Variants in EIF4G3 observed in about 807,000 individuals in gnomAD.
EIF4G3 encodes eukaryotic translation initiation factor 4 gamma 3.
Under a neutral mutation model 186.4 loss-of-function variants are expected in EIF4G3, and 34 were observed. The observed-to-expected ratio is 0.18, with a 90% confidence interval of 0.14 to 0.24. The LOEUF is 0.24. Among genes scored for constraint, EIF4G3 ranks in the 10% least tolerant of loss-of-function variants. The probability of loss-of-function intolerance (pLI) is 1.00; values close to 1 mark genes in which losing one functional copy is unlikely to be tolerated. For missense variants in EIF4G3, 1,536 were observed against 1,948.5 expected, an observed-to-expected ratio of 0.79 and a Z score of 3.99; for synonymous variants, 673 against 679.5, an observed-to-expected ratio of 0.99 and a Z score of 0.15.
rs757394338 is a variant in EIF4G3 at position 20,941,978 on chromosome 1, G to A, written c.1176C>T (p.Cys392=). 6.2e-7 allele frequency: 1 copy of A among 1,614,130 alleles called. No homozygotes were observed. Among genetic ancestry groups the A allele is most frequent in the Admixed American group, 1.7e-5 (1 of 60,012 alleles). The part of the protein sequence containing the change: ...LPTNENDDDI[C]KKPCSVAPND... ...TAGGTGCTACACTACAGGGTTTCTT[G>A]CATATATCATCATCATTTTCATTTG... Residue 392 remains cysteine (C), a synonymous_variant, in exon 14 of 37, where the codon TGC becomes TGT. Coordinates refer to ENST00000602326, the MANE Select transcript of EIF4G3 (RefSeq NM_001391906.1).
chr1:20,860,286 C>T (rs2154551722), intron 24 of EIF4G3, 99 bp downstream of exon 24: 1 of 1,505,434 alleles, frequency 6.6e-7, no homozygotes, highest in Non-Finnish European at 9.0e-7. Context: ...ATTCTTTGGG[C>T]TGTTCTTTCT....
Position 20,967,971 on chromosome 1 carries a change from T to G in EIF4G3, c.714+1503A>C, listed in dbSNP as rs1038500989. ...TTAGGCTTTCACTTTAGACAATTTT[T>G]TTTAAGGGACAGGATCTTGCTATGT... is the stretch of plus-strand genomic sequence containing the variant. On this transcript the variant is annotated intron_variant, in intron 12 of 36. Transcript: ENST00000602326. 8.5e-5 allele frequency among the ~76,000 whole-genome samples: 13 copies of G among 152,188 alleles called. No individual in the cohort carries two copies. In the East Asian group the frequency reaches 2.1e-3, roughly 25 times the overall value.
At chr1:21,072,708 A>AT (rs2095480482) in intron 3 of EIF4G3, among the ~76,000 whole-genome samples, 1 of 152,176 alleles carries the variant, frequency 6.6e-6, no homozygotes, top group Admixed American at 6.5e-5. Context: ...AGCCTTTAAT[A>AT]TTTTTTAAAA....
intron 18 of EIF4G3, among the ~76,000 whole-genome samples, chr1:20,890,579 T>C (rs1030265496): frequency 1.3e-5 from 2 of 152,078 alleles, no homozygotes; most frequent in African/African-American, 4.8e-5. Context: ...CCTCAGTCTC[T>C]CAAGTAGATG....
intron 2 of EIF4G3, among the ~76,000 whole-genome samples, chr1:21,094,620 G>A (rs1314033856): frequency 3.5e-5 from 5 of 143,460 alleles, no homozygotes; most frequent in South Asian, 2.3e-4. Context: ...GGGGCCTGTC[G>A]TGAGGTGGGG....
intron 22 of EIF4G3, among the ~76,000 whole-genome samples, chr1:20,863,428 A>ACCTTTTTTTTTTTTTT (rs891612224): frequency 7.6e-6 from 1 of 131,232 alleles, no homozygotes; most frequent in African/African-American, 2.9e-5. Flanking sequence ...AGACCCTGTT[A>ACCTTTTTTTTTTTTTT]CCTTTTTTTT....
chr1:21,053,215 C>T (rs1306416804), intron 3 of EIF4G3, among the ~76,000 whole-genome samples: 46 of 151,796 alleles, frequency 3.0e-4, no homozygotes, highest in Non-Finnish European at 6.2e-4. Context: ...ATGTGAGGAG[C>T]GTCTCTGCCC....
intron 2 of EIF4G3, among the ~76,000 whole-genome samples, chr1:21,159,863 T>C (rs953704527): frequency 1.2e-4 from 18 of 151,950 alleles, no homozygotes; most frequent in Non-Finnish European, 1.8e-4. Context: ...TCCCAGCACT[T>C]TGGGAGGCCA....
chr1:20,899,019 C>T lies in EIF4G3; in HGVS notation c.1999+678G>A, dbSNP rs564650449. ...TGCTGGGATTACAGGCGTGAGCCAC[C>T]GCACCCAGCCCAAACTTTCTGTCAA... is the stretch of plus-strand genomic sequence containing the variant. On this transcript the variant is annotated intron_variant, in intron 16 of 36. Coordinates refer to ENST00000602326, the MANE Select transcript of EIF4G3 (RefSeq NM_001391906.1). Among the ~76,000 whole-genome samples the T allele has an allele frequency of 3.3e-5, 5 of 152,260 alleles. No homozygotes were observed. The East Asian group carries it at 5.8e-4, about 18-fold the overall frequency.
chr1:20,946,473 G>A (rs1163359947), intron 13 of EIF4G3, among the ~76,000 whole-genome samples: 1 of 152,062 alleles, frequency 6.6e-6, no homozygotes, highest in East Asian at 1.9e-4. Flanking sequence ...TCTTCATAAG[G>A]TGCCAAACAA....
intron 32 of EIF4G3, 108 bp downstream of exon 32, chr1:20,827,509 C>G: frequency 1.9e-6 from 1 of 513,636 alleles, no homozygotes; most frequent in Non-Finnish European, 3.4e-6. Flanking sequence ...AGACCTCATT[C>G]TTAATTACTT....
At chr1:20,826,302 GATTAC>G (rs2063603621) in intron 32 of EIF4G3, among the ~76,000 whole-genome samples, 1 of 151,952 alleles carries the variant, frequency 6.6e-6, no homozygotes, top group South Asian at 2.1e-4. Context: ...AAGTAGCTGG[GATTAC>G]AGGTGCCTGT....
chr1:20,921,542 G>C (rs1189128318), intron 14 of EIF4G3, among the ~76,000 whole-genome samples: 2 of 152,208 alleles, frequency 1.3e-5, no homozygotes, highest in Non-Finnish European at 2.9e-5. Flanking sequence ...ATTGCAATGT[G>C]AGACATCTGT....
intron 19 of EIF4G3, 107 bp downstream of exon 19, chr1:20,886,094 T>C: frequency 7.6e-7 from 1 of 1,319,062 alleles, no homozygotes; most frequent in South Asian, 1.5e-5. Context: ...GAAAATGTTA[T>C]AAAAAGTCTT....
At chr1:20,853,435 A>C (rs762583178) in intron 27 of EIF4G3, 125 bp downstream of exon 27, 3 of 603,566 alleles carry the variant, frequency 5.0e-6, no homozygotes, top group Non-Finnish European at 9.0e-6. Context: ...AAGATTAAAG[A>C]AATCAACTTT....
chr1:20,837,768 G>T (rs763905329), intron 30 of EIF4G3, among the ~76,000 whole-genome samples: 46 of 152,146 alleles, frequency 3.0e-4, no homozygotes, highest in Non-Finnish European at 5.9e-4. Flanking sequence ...GGCTTTAGAA[G>T]GGATTGTGAA....
At chr1:20,905,817 T>C (rs560656219) in intron 14 of EIF4G3, among the ~76,000 whole-genome samples, 1 of 151,806 alleles carries the variant, frequency 6.6e-6, no homozygotes, top group African/African-American at 2.4e-5. Context: ...AGGAGAAGAG[T>C]TAAAGAAAGG....
At chr1:20,960,703 G>A (rs1479898175) in intron 12 of EIF4G3, among the ~76,000 whole-genome samples, 1 of 152,120 alleles carries the variant, frequency 6.6e-6, no homozygotes, top group African/African-American at 2.4e-5. Context: ...AGGCTGCAGT[G>A]AGCTGTGACT....
intron 3 of EIF4G3, among the ~76,000 whole-genome samples, chr1:21,083,464 C>CA (rs71014150): frequency 0.027 from 4,139 of 151,222 alleles, 87 homozygotes; most frequent in Non-Finnish European, 0.038. Flanking sequence ...AGGCGTCAGC[C>CA]ACCACACCCA....
Sources: gnomAD v4.1 joint callset for allele counts (sites outside exome capture counted in the v4.1 genomes callset) on GRCh38, gnomAD v4.1.1 for gene constraint, MANE v1.5 for transcripts, NCBI Gene and HGNC (gene_info 2026-07-23, HGNC 2026-07-21) for gene names.